Variants in COLQ observed in about 807,000 individuals in gnomAD.
COLQ encodes collagen like tail subunit of asymmetric acetylcholinesterase.
Under a neutral mutation model 69.0 loss-of-function variants are expected in COLQ, and 48 were observed. The ratio of observed to expected loss-of-function variants is 0.70; its 90% CI spans 0.55 to 0.88. COLQ has a LOEUF of 0.88. Ranked by LOEUF, COLQ falls within the 40% of genes least tolerant of loss-of-function variation. COLQ has a pLI of 0.00. For synonymous variants in COLQ, 217 were observed against 211.2 expected, an observed-to-expected ratio of 1.03 and a Z score of -0.24; for missense variants, 618 against 594.6, an observed-to-expected ratio of 1.04 and a Z score of -0.41.
chr3:15,468,971 C>T (rs1156686071), intron 11 of COLQ, among the ~76,000 whole-genome samples: 1 of 152,190 alleles, frequency 6.6e-6, no homozygotes, highest in Non-Finnish European at 1.5e-5. Context: ...CAGAGACTCT[C>T]AGCACTGCTG....
intron 1 of COLQ, among the ~76,000 whole-genome samples, chr3:15,510,471 A>G (rs1159731939): frequency 7.4e-6 from 1 of 134,616 alleles, no homozygotes; most frequent in Non-Finnish European, 1.6e-5. Context: ...CACTTTGGGA[A>G]GCCAAGGCAG....
chr3:15,470,836 G>A (rs1323644642), intron 10 of COLQ, among the ~76,000 whole-genome samples: 1 of 152,188 alleles, frequency 6.6e-6, no homozygotes, highest in Non-Finnish European at 1.5e-5. Context: ...AATTCTGAGT[G>A]GGTTATCTGT....
chr3:15,489,735 T>C (rs1404003970), intron 1 of COLQ, 98 bp from the exon 2 acceptor site: 2 of 987,210 alleles, frequency 2.0e-6, no homozygotes, highest in Non-Finnish European at 3.2e-6. Flanking sequence ...CACCCCAGAC[T>C]TCCACATCTA....
In COLQ at chr3:15,453,919, G is replaced by A; in HGVS notation, c.1208C>T (p.Ala403Val). 4.4e-6 allele frequency: 7 copies of A among 1,608,394 alleles called. No individual in the cohort carries two copies. Among genetic ancestry groups the A allele is most frequent in the Non-Finnish European group, 5.9e-6 (7 of 1,177,170 alleles). The part of the protein sequence containing the change: ...VGDDCIRCHR[A>V]YCGDGHRHEG... ...ATGCCGGTGACCATCTCCACAGTAG[G>A]CACGGTGACAGCCTGAGGGGACATA... Residue 403 changes from alanine (A) to valine (V), a missense_variant, in exon 16 of 17, where the codon GCC becomes GTC. Physicochemically the swap from Ala to Val is moderately conservative, Grantham distance 64. Coordinates refer to ENST00000383788, the MANE Select transcript of COLQ (RefSeq NM_005677.4).
intron 1 of COLQ, among the ~76,000 whole-genome samples, chr3:15,496,586 C>A (rs2062749828): frequency 1.3e-5 from 2 of 152,234 alleles, no homozygotes. Context: ...CCTGCAGAAA[C>A]CTGGGAGCAG....
intron 1 of COLQ, among the ~76,000 whole-genome samples, chr3:15,496,735 G>A (rs1373347839): frequency 1.3e-5 from 2 of 152,218 alleles, no homozygotes; most frequent in African/African-American, 4.8e-5. Flanking sequence ...ATTGTTTAAT[G>A]CAGGCTTTGG....
At chr3:15,510,855 G>A (rs1219827241) in intron 1 of COLQ, among the ~76,000 whole-genome samples, 3 of 135,172 alleles carry the variant, frequency 2.2e-5, no homozygotes, top group African/African-American at 8.9e-5. Context: ...AGAGAGGAAG[G>A]AAAGAAGGAA....
chr3:15,462,368 C>G (rs576085289), intron 12 of COLQ, among the ~76,000 whole-genome samples: 1 of 152,258 alleles, frequency 6.6e-6, no homozygotes, highest in East Asian at 1.9e-4. Context: ...CCTCTCTCCC[C>G]ACCCCTCCAA....
chr3:15,456,813 C>G, intron 13 of COLQ, among the ~76,000 whole-genome samples: 1 of 122,518 alleles, frequency 8.2e-6, no homozygotes, highest in Non-Finnish European at 1.8e-5. Flanking sequence ...TCGGATTTAA[C>G]TTTTTTTTCT....
chr3:15,453,803 G>A (rs1254729099), intron 16 of COLQ, 26 bp downstream of exon 16: 1 of 1,418,538 alleles, frequency 7.0e-7, no homozygotes, highest in Non-Finnish European at 9.9e-7. Flanking sequence ...AGAAGGGGGA[G>A]AGGGAGGGAG....
At chr3:15,470,229 A>G (rs1372786683) in intron 11 of COLQ, among the ~76,000 whole-genome samples, 6 of 152,238 alleles carry the variant, frequency 3.9e-5, no homozygotes, top group African/African-American at 1.2e-4. Flanking sequence ...GTAAATGACC[A>G]TATCTGCCTT....
At chr3:15,489,697 C>T (rs1339309955) in intron 1 of COLQ, 60 bp from the exon 2 acceptor site, 1 of 1,496,230 alleles carries the variant, frequency 6.7e-7, no homozygotes, top group South Asian at 1.2e-5. Context: ...CTGTCACACC[C>T]ACCGTGCCCA....
At chr3:15,511,168 T>C (rs1226221951) in intron 1 of COLQ, among the ~76,000 whole-genome samples, 1 of 152,204 alleles carries the variant, frequency 6.6e-6, no homozygotes, top group Non-Finnish European at 1.5e-5. Flanking sequence ...ATGAGGAAAC[T>C]GGGTCCTGCA....
intron 1 of COLQ, among the ~76,000 whole-genome samples, chr3:15,504,625 G>A (rs1473382940): frequency 2.0e-5 from 3 of 152,208 alleles, no homozygotes; most frequent in Non-Finnish European, 4.4e-5. Context: ...TTGGGAGGCC[G>A]AGGCAGGTAG....
intron 1 of COLQ, among the ~76,000 whole-genome samples, chr3:15,520,134 T>C (rs1253879219): frequency 6.6e-6 from 1 of 152,176 alleles, no homozygotes; most frequent in East Asian, 1.9e-4. Context: ...AACCACCAAA[T>C]TAGGCCAAAT....
At chr3:15,516,874 C>A (rs2063070120) in intron 1 of COLQ, among the ~76,000 whole-genome samples, 2 of 152,142 alleles carry the variant, frequency 1.3e-5, no homozygotes, top group Non-Finnish European at 1.5e-5. Flanking sequence ...CCAGGCCAGG[C>A]GTGGTGGCTG....
intron 11 of COLQ, among the ~76,000 whole-genome samples, chr3:15,468,794 G>T (rs937556539): frequency 2.0e-5 from 3 of 152,108 alleles, no homozygotes; most frequent in African/African-American, 7.2e-5. Flanking sequence ...ACTTCATGGA[G>T]GGGTCTTGGG....
At chr3:15,463,911 A>G (rs1023763796) in intron 12 of COLQ, among the ~76,000 whole-genome samples, 12 of 152,218 alleles carry the variant, frequency 7.9e-5, no homozygotes, top group African/African-American at 2.7e-4. Flanking sequence ...CCCTAACAAC[A>G]TGGAAACAGG....
In COLQ at chr3:15,453,838, T is replaced by G. The variant is rs121908923; in HGVS notation, c.1289A>C (p.Tyr430Ser). The change falls in exon 16 of 17, where the codon TAT becomes TCT. Residue 430 changes from tyrosine (Y) to serine (S), a missense_variant. Tyr to Ser is a moderately radical substitution (Grantham distance 144). Coordinates refer to ENST00000383788, the MANE Select transcript of COLQ (RefSeq NM_005677.4). ...GGGGAGTCATCCCTACCCAGGGAGA[T>G]AGGTCTCGCATGTCAGGTAGCCAAA... ...SDFGYLTCET[Y>S]LPGSYGDLQC... The G allele has an allele frequency of 2.0e-5, 32 of 1,608,320 alleles. No homozygotes were observed. The Admixed American group carries it at 2.0e-4, about 10-fold the overall frequency.
Sources: allele counts gnomAD v4.1 joint callset (sites outside exome capture counted in the v4.1 genomes callset), GRCh38; gene constraint gnomAD v4.1.1; transcripts MANE v1.5; gene names NCBI Gene and HGNC (gene_info 2026-07-23, HGNC 2026-07-21).